NPFFR1: variants seen among roughly 807,000 people sequenced by gnomAD.
NPFFR1 encodes the protein G-protein coupled receptor 147.
Under a neutral mutation model 12.7 loss-of-function variants are expected in NPFFR1, and 17 were observed. The ratio of observed to expected loss-of-function variants is 1.34; its 90% CI spans 0.92 to 2.01. The LOEUF is 2.01. Among genes scored for constraint, NPFFR1 ranks in the 30% most tolerant of loss-of-function variants. NPFFR1 has a pLI of 0.00. For synonymous variants in NPFFR1, 296 were observed against 264.5 expected (o/e 1.12, Z -1.16); for missense variants, 604 against 606.5 (o/e 1.00, Z 0.04).
chr10:70,254,878 A>T lies in NPFFR1; in HGVS notation c.*79T>A. ...AGGGACCACGCATCCTCACCTAACCACACCAGGCCGCTATCGCCTGCATGT... is the reference window on the plus strand; with the variant it reads ...AGGGACCACGCATCCTCACCTAACCTCACCAGGCCGCTATCGCCTGCATGT... On this transcript the variant is annotated 3_prime_UTR_variant, in exon 4 of 4. Transcript: ENST00000277942. 4 of 1,352,972 alleles carry T rather than the reference A, an allele frequency of 3.0e-6. No homozygotes were observed. The highest frequency in any genetic ancestry group is 3.8e-6 in the Non-Finnish European group (4 of 1,056,416). 83.8% of individuals were successfully genotyped at this position (1,352,972 alleles called of 1,614,324 possible).
intron 1 of NPFFR1, among the ~76,000 whole-genome samples, chr10:70,279,175 C>T (rs898495189): frequency 2.0e-5 from 3 of 151,886 alleles, no homozygotes; most frequent in Admixed American, 6.6e-5. Context: ...TATGTGTGAC[C>T]GAGTCTCGCT....
intron 2 of NPFFR1, among the ~76,000 whole-genome samples, chr10:70,265,089 T>A (rs1409972366): frequency 6.6e-6 from 1 of 152,200 alleles, no homozygotes; most frequent in Non-Finnish European, 1.5e-5. Context: ...GGGTAACGGT[T>A]CCACCAGACA....
chr10:70,270,377 G>A (rs978991431), intron 1 of NPFFR1, among the ~76,000 whole-genome samples: 15 of 152,268 alleles, frequency 9.9e-5, no homozygotes, highest in African/African-American at 3.1e-4. Context: ...TACCCCTGCC[G>A]AGCCTCAAAA....
In NPFFR1 at chr10:70,266,469, C is replaced by T. The variant is rs910019106; in HGVS notation, c.8-78G>A. The T allele has an allele frequency of 2.5e-6, 3 of 1,194,310 alleles. No homozygotes were observed. The African/African-American group carries it at 4.6e-5, about 18-fold the overall frequency. The allele number at this position is 1,194,310 out of a possible 1,614,324, so 74.0% of individuals were successfully genotyped here. On this transcript the variant is annotated intron_variant, in intron 1 of 3. Coordinates refer to ENST00000277942, the MANE Select transcript of NPFFR1 (RefSeq NM_022146.5). ...GATTTCTCACCACTAATGAGACCCT[C>T]TGTGTGCCAAACCTTAACCATGCCC...
At chr10:70,264,834 C>T (rs1035701633) in intron 2 of NPFFR1, among the ~76,000 whole-genome samples, 12 of 152,156 alleles carry the variant, frequency 7.9e-5, no homozygotes, top group African/African-American at 2.9e-4. Context: ...ATTGAATCAT[C>T]TGAATGTTTT....
intron 3 of NPFFR1, among the ~76,000 whole-genome samples, chr10:70,259,130 A>G (rs1192472948): frequency 6.6e-6 from 1 of 152,072 alleles, no homozygotes; most frequent in Non-Finnish European, 1.5e-5. Flanking sequence ...TACTAAAAAG[A>G]CAAAAATTAG....
chr10:70,255,979 A>G lies in NPFFR1; in HGVS notation c.423-152T>C, dbSNP rs1346717153. 6.6e-6 allele frequency among the ~76,000 whole-genome samples: 1 copy of G among 152,040 alleles called. No individual in the cohort carries two copies. The highest frequency in any genetic ancestry group is 1.9e-4 in the East Asian group (1 of 5,194). On this transcript the variant is annotated intron_variant, in intron 3 of 3. Coordinates refer to ENST00000277942, the MANE Select transcript of NPFFR1 (RefSeq NM_022146.5). The surrounding 1 kb of genome is among the most constrained non-coding windows in gnomAD (Gnocchi z 4.2). ...ACCTGAATTGGCTGAGTAGTCAAAG[A>G]ACAAAGGCAGCTACAGGATTTATGA...
rs762913276 is a variant in NPFFR1, at chr10:70,255,809, G to T, written c.441C>A (p.His147Gln). The change falls in exon 4 of 4, where the codon CAC (histidine) becomes CAA (glutamine). Residue 147 changes from histidine (H) to glutamine (Q), a missense_variant. By Grantham distance (24) the His-to-Gln change is conservative (BLOSUM62 0). Coordinates refer to ENST00000277942, the MANE Select transcript of NPFFR1 (RefSeq NM_022146.5). This position sits in a 1 kb window ranked among gnomAD's most constrained non-coding sequence, Gnocchi z 4.2. The part of the protein sequence containing the change: ...IAVERFRCIV[H>Q]PFREKLTLRK... ...GCAGGGTCAGCTTCTCGCGGAAAGG[G>T]TGCACGATGCAGCGGAACCTGCCGC... 6.2e-6 allele frequency: 10 copies of T among 1,609,420 alleles called. No homozygotes were observed. In the Admixed American group the frequency reaches 1.7e-4, roughly 27 times the overall value.
At chr10:70,258,075 G>A (rs760737693) in intron 3 of NPFFR1, among the ~76,000 whole-genome samples, 2 of 152,118 alleles carry the variant, frequency 1.3e-5, no homozygotes, top group South Asian at 2.1e-4. Context: ...CGGTGCCGGC[G>A]CAGGTCCTTG....
chr10:70,265,267 T>C (rs964508126), intron 2 of NPFFR1, among the ~76,000 whole-genome samples: 9 of 152,238 alleles, frequency 5.9e-5, no homozygotes, highest in African/African-American at 1.4e-4. Context: ...CTGGGAGCTC[T>C]GAGCTCAGAA....
chr10:70,264,947 T>C (rs1306149811), intron 2 of NPFFR1, among the ~76,000 whole-genome samples: 1 of 152,212 alleles, frequency 6.6e-6, no homozygotes, highest in African/African-American at 2.4e-5. Flanking sequence ...CTGGTATGCA[T>C]GTATTTATGT....
chr10:70,261,827 G>A (rs1049702806), intron 2 of NPFFR1, among the ~76,000 whole-genome samples: 9 of 152,158 alleles, frequency 5.9e-5, no homozygotes, highest in Non-Finnish European at 1.2e-4. Flanking sequence ...TGTCACTGAG[G>A]CTGGAGTACA....
intron 1 of NPFFR1, among the ~76,000 whole-genome samples, chr10:70,281,008 C>CAACAACAACAACAACAA (rs1840855881): frequency 6.6e-6 from 1 of 152,062 alleles, no homozygotes; most frequent in Non-Finnish European, 1.5e-5. Context: ...TCTCAAACAA[C>CAACAACAACAACAACAA]AACAACAACA....
intron 1 of NPFFR1, among the ~76,000 whole-genome samples, chr10:70,268,681 G>T (rs1840720786): frequency 6.6e-6 from 1 of 152,062 alleles, no homozygotes; most frequent in African/African-American, 2.4e-5. Context: ...AGCTAGTGTG[G>T]GCTTCTTCAG....
intron 1 of NPFFR1, among the ~76,000 whole-genome samples, chr10:70,277,482 C>G (rs913265808): frequency 6.6e-6 from 1 of 152,204 alleles, no homozygotes; most frequent in Non-Finnish European, 1.5e-5. Context: ...GGAGCATTTC[C>G]AAGGAGCATA....
Position 70,283,791 on chromosome 10 carries a change from C to A in NPFFR1, c.-115G>T. 3 of 1,176,632 alleles carry A rather than the reference C, an allele frequency of 2.5e-6. No homozygotes were observed. The highest frequency in any genetic ancestry group is 3.6e-6 in the Non-Finnish European group (3 of 828,902). The allele number at this position is 1,176,632 out of a possible 1,614,324, so 72.9% of individuals were successfully genotyped here. On this transcript the variant is annotated 5_prime_UTR_variant, in exon 1 of 4. It adds an upstream start codon to the 5' untranslated region. Coordinates refer to ENST00000277942, the MANE Select transcript of NPFFR1 (RefSeq NM_022146.5). The stretch of plus-strand genomic sequence containing the variant: ...ACTTGGTTGCGGGCTGCGCCCCTGC[C>A]TCCGCGCTCCGCAGGTCCGGTCGGT...
rs767112248 is a variant in NPFFR1 at position 70,255,063 on chromosome 10, G to C, written c.1187C>G (p.Pro396Arg). 70 of 1,441,310 alleles carry C rather than the reference G, an allele frequency of 4.9e-5. No homozygotes were observed. The highest frequency in any genetic ancestry group is 6.0e-5 in the Non-Finnish European group (66 of 1,104,578). The allele number at this position is 1,441,310 out of a possible 1,614,324, so 89.3% of individuals were successfully genotyped here. A position where few individuals can be genotyped will look rare whatever the true frequency, so the allele number is the denominator to read the frequency against. ...ESGPSSGAPR[P>R]GRLPLRNGRV... ...CCCATTCCGCAGCGGGAGGCGGCCG[G>C]GCCTGGGGGCCCCACTGCTAGGGCC... Residue 396 changes from proline to arginine, a missense_variant, in exon 4 of 4, where the codon CCC (proline) becomes CGC (arginine). Physicochemically the swap from Pro to Arg is moderately radical, Grantham distance 103 (BLOSUM62 -2). Transcript: ENST00000277942. The surrounding 1 kb of genome is among the most constrained non-coding windows in gnomAD (Gnocchi z 4.2).
In NPFFR1 at chr10:70,253,221, T is replaced by G. The variant is rs1216167815; in HGVS notation, c.*1736A>C. 1.3e-5 allele frequency: 2 copies of G among 152,168 alleles called. No individual in the cohort carries two copies. Among genetic ancestry groups the G allele is most frequent in the African/African-American group, 4.8e-5 (2 of 41,396 alleles). 9.4% of individuals were successfully genotyped at this position (152,168 alleles called of 1,614,324 possible). On this transcript the variant is annotated 3_prime_UTR_variant, in exon 4 of 4. Coordinates refer to ENST00000277942, the MANE Select transcript of NPFFR1 (RefSeq NM_022146.5). ...TGCTCAGCACCAGGGCAAGAACAACTCAGGCTGGACATTACGAGAGTAAAC... is the reference window on the plus strand; with the variant it reads ...TGCTCAGCACCAGGGCAAGAACAACGCAGGCTGGACATTACGAGAGTAAAC...
At chr10:70,274,095 C>T (rs568280846) in intron 1 of NPFFR1, among the ~76,000 whole-genome samples, 1 of 152,186 alleles carries the variant, frequency 6.6e-6, no homozygotes, top group Non-Finnish European at 1.5e-5. Context: ...AGGACACTGA[C>T]CTGGGAATCA....
Sources: allele counts gnomAD v4.1 joint callset (sites outside exome capture counted in the v4.1 genomes callset), GRCh38; gene constraint gnomAD v4.1.1; non-coding constraint Gnocchi (gnomAD v3.1); transcripts MANE v1.5; gene names NCBI Gene and HGNC (gene_info 2026-07-23, HGNC 2026-07-21).